Variants in TRIM5 observed in about 807,000 individuals in gnomAD.
TRIM5 encodes the protein tripartite motif containing 5, also known as tripartite motif-containing protein 5.
In TRIM5, 31 loss-of-function variants were observed where a neutral mutation model predicts 35.6. The ratio of observed to expected loss-of-function variants is 0.87; its 90% CI spans 0.65 to 1.18. The LOEUF (loss-of-function observed/expected upper bound fraction) is 1.18, where lower values mean the gene tolerates loss of function less well. Among genes scored for constraint, TRIM5 ranks in the 50% most tolerant of loss-of-function variants. The pLI is 0.00. For missense variants in TRIM5, 609 were observed against 591.6 expected, an observed-to-expected ratio of 1.03 and a Z score of -0.31; for synonymous variants, 243 against 215.6, an observed-to-expected ratio of 1.13 and a Z score of -1.11.
chr11:5,651,430 G>C, the TRIM5 span, among the ~76,000 whole-genome samples: 1 of 152,166 alleles, frequency 6.6e-6, no homozygotes, highest in African/African-American at 2.4e-5. Context: ...TCCGATGTCT[G>C]TTGTTCCCTT....
chr11:5,628,969 TCTC>T, the TRIM5 span, among the ~76,000 whole-genome samples: 8 of 152,060 alleles, frequency 5.3e-5, no homozygotes, highest in Non-Finnish European at 7.4e-5. Flanking sequence ...CTGTATGTCT[TCTC>T]CTCTTATAAA....
the TRIM5 span, chr11:5,603,837 C>G: frequency 2.7e-6 from 4 of 1,478,146 alleles, no homozygotes; most frequent in Non-Finnish European, 3.6e-6. Context: ...CTTTATTTAC[C>G]TAGAGAATGA....
chr11:5,610,414 A>G, the TRIM5 span: 2 of 1,590,818 alleles, frequency 1.3e-6, no homozygotes, highest in Non-Finnish European at 1.7e-6. Context: ...GGGGAGATGA[A>G]ATGGCCAGGT....
At chr11:5,663,115 A>G (rs1243579248), downstream of TRIM5, 3 of 571,478 alleles carry the variant, frequency 5.2e-6, no homozygotes, top group Non-Finnish European at 6.5e-6. Context: ...ACAGAGACAA[A>G]CCCTGTCTCA....
At chr11:5,652,452 T>G in the TRIM5 span, among the ~76,000 whole-genome samples, 1 of 152,254 alleles carries the variant, frequency 6.6e-6, no homozygotes, top group African/African-American at 2.4e-5. Context: ...TTTTGTCAAC[T>G]TGGTTTAAGA....
chr11:5,609,708 G>T, the TRIM5 span, among the ~76,000 whole-genome samples: 1 of 152,162 alleles, frequency 6.6e-6, no homozygotes, highest in Admixed American at 6.5e-5. Context: ...AGATCACGAG[G>T]TCAGGAGATC....
the TRIM5 span, chr11:5,620,167 C>CTTTTTTTTTTTTTTTTTTT: frequency 6.9e-5 from 5 of 72,772 alleles, no homozygotes; most frequent in African/African-American, 1.2e-4. Flanking sequence ...TTTCTTTCTT[C>CTTTTTTTTTTTTTTTTTTT]TTTTTTTTTT....
At chr11:5,671,445 G>C (rs1851584573) in intron 4 of TRIM5, among the ~76,000 whole-genome samples, 1 of 151,950 alleles carries the variant, frequency 6.6e-6, no homozygotes. Context: ...TATGCTTAAA[G>C]AATTGAAGTA....
In TRIM5 at chr11:5,666,200, T is replaced by G. The variant is rs1851124798; in HGVS notation, c.768-119A>C. The G allele has an allele frequency of 3.6e-6, 3 of 841,594 alleles. No homozygotes were observed. In the South Asian group the frequency reaches 4.7e-5, roughly 13 times the overall value. The allele number at this position is 841,594 out of a possible 1,614,324, so 52.1% of individuals were successfully genotyped here. On this transcript the variant is annotated intron_variant, in intron 5 of 7. Transcript: ENST00000380034. ...ACTTGAACTCTCTTCTTGGGGATCC[T>G]GAGAAGGGAGAGTGCAAACTCTTGA... is the stretch of plus-strand genomic sequence containing the variant.
the TRIM5 span, among the ~76,000 whole-genome samples, chr11:5,593,570 G>A: frequency 3.3e-5 from 5 of 152,104 alleles, no homozygotes; most frequent in Admixed American, 6.5e-5. Context: ...AATATTCTGT[G>A]ACCCTTGTCA....
chr11:5,609,096 C>A, the TRIM5 span, among the ~76,000 whole-genome samples: 2 of 152,050 alleles, frequency 1.3e-5, no homozygotes, highest in Non-Finnish European at 2.9e-5. Context: ...TAAACCCGAG[C>A]TCTGGAGGAT....
intron 3 of TRIM5, 116 bp from the exon 4 acceptor site, chr11:5,678,550 G>C (rs1852173561): frequency 1.3e-6 from 1 of 787,202 alleles, no homozygotes; most frequent in African/African-American, 1.7e-5. Context: ...AGTAGCAGGA[G>C]AGTAGGTCTT....
At chr11:5,602,077 C>G in the TRIM5 span, among the ~76,000 whole-genome samples, 2 of 152,164 alleles carry the variant, frequency 1.3e-5, no homozygotes, top group African/African-American at 2.4e-5. Flanking sequence ...AACAAAAAGT[C>G]TCAGATCTCA....
At chr11:5,632,051 G>A in the TRIM5 span, among the ~76,000 whole-genome samples, 1 of 152,132 alleles carries the variant, frequency 6.6e-6, no homozygotes, top group Non-Finnish European at 1.5e-5. Context: ...GCAACAGGAT[G>A]GTAATTCTAG....
At chr11:5,665,564 T>G (rs376694702) in intron 7 of TRIM5, 92 bp downstream of exon 7, 1 of 1,582,040 alleles carries the variant, frequency 6.3e-7, no homozygotes, top group Non-Finnish European at 8.5e-7. Flanking sequence ...TCTTAAAACA[T>G]GAGCCTAATA....
the TRIM5 span, chr11:5,641,018 T>G: frequency 9.6e-7 from 1 of 1,041,664 alleles, no homozygotes; most frequent in African/African-American, 1.6e-5. Context: ...TTTCTTGGTG[T>G]GTCTAGCTAA....
the TRIM5 span, among the ~76,000 whole-genome samples, chr11:5,649,580 G>A: frequency 6.6e-6 from 1 of 152,138 alleles, no homozygotes; most frequent in Admixed American, 6.5e-5. Flanking sequence ...TTGGTTCAGA[G>A]GCATGAGCAC....
At chr11:5,649,933 G>T in the TRIM5 span, among the ~76,000 whole-genome samples, 3 of 152,142 alleles carry the variant, frequency 2.0e-5, no homozygotes, top group Non-Finnish European at 4.4e-5. Flanking sequence ...TCTTGTAAGG[G>T]CCACTTTTCT....
chr11:5,634,522 CACACACACATATATAT>C, the TRIM5 span: 10 of 662,932 alleles, frequency 1.5e-5, no homozygotes, highest in African/African-American at 2.2e-4. Context: ...CACACACACA[CACACACACATATATAT>C]ATATATATAT....
Sources: allele counts gnomAD v4.1 joint callset (sites outside exome capture counted in the v4.1 genomes callset), GRCh38; gene constraint gnomAD v4.1.1; transcripts MANE v1.5; gene names NCBI Gene and HGNC (gene_info 2026-07-23, HGNC 2026-07-21).